The following PXYLP1 variants were observed in gnomAD, a reference collection of about 807,000 sequenced individuals.
PXYLP1 encodes the protein 2-phosphoxylose phosphatase 1, also known as acid phosphatase-like 2.
Under a neutral mutation model 37.9 loss-of-function variants are expected in PXYLP1, and 17 were observed. That is an observed-to-expected ratio of 0.45 (90% CI 0.31 to 0.67). The LOEUF is 0.67. Among genes scored for constraint, PXYLP1 ranks in the 30% least tolerant of loss-of-function variants. The probability of loss-of-function intolerance (pLI) is 0.07; values close to 1 mark genes in which losing one functional copy is unlikely to be tolerated. For missense variants in PXYLP1, 511 were observed against 612.0 expected, an observed-to-expected ratio of 0.84 and a Z score of 1.74; for synonymous variants, 221 against 232.2, an observed-to-expected ratio of 0.95 and a Z score of 0.44.
intron 1 of PXYLP1, among the ~76,000 whole-genome samples, chr3:141,250,579 G>A (rs116068533): frequency 1.2e-4 from 18 of 152,332 alleles, no homozygotes; most frequent in Admixed American, 3.3e-4. Context: ...AGTGAGATGC[G>A]ATGGGCAGCC....
rs570876874 is a variant in PXYLP1 at position 141,241,054 on chromosome 3, T to C, written c.-54+9143T>C. On this transcript the variant is annotated intron_variant, in intron 1 of 5. Transcript: ENST00000286353. ...CCCTGCCCACTCAACCTTCCAAAGC[T>C]TCTCTTCCTCTCCAGCCCCCACCCC... Among the ~76,000 whole-genome samples, 4 of 152,246 alleles carry C rather than the reference T, an allele frequency of 2.6e-5. No individual in the cohort carries two copies. In the South Asian group the frequency reaches 8.3e-4, roughly 32 times the overall value.
chr3:141,246,383 G>C (rs941394894), intron 1 of PXYLP1, among the ~76,000 whole-genome samples: 7 of 152,344 alleles, frequency 4.6e-5, no homozygotes, highest in Admixed American at 2.0e-4. Flanking sequence ...ATAGTGCTGA[G>C]AAGTGTCATG....
At chr3:141,255,286 C>T (rs555921111) in intron 1 of PXYLP1, among the ~76,000 whole-genome samples, 7 of 152,302 alleles carry the variant, frequency 4.6e-5, no homozygotes, top group South Asian at 2.1e-4. Flanking sequence ...ATTTGTACCA[C>T]GTGGGTTTAG....
intron 2 of PXYLP1, among the ~76,000 whole-genome samples, chr3:141,268,075 C>G (rs2086181): frequency 0.61 from 91,915 of 151,800 alleles, 28,551 homozygotes; most frequent in South Asian, 0.8. Flanking sequence ...ACCCCATTAC[C>G]TCATGATCAC....
At chr3:141,274,303 T>G (rs1941737596) in intron 2 of PXYLP1, 2 of 1,359,126 alleles carry the variant, frequency 1.5e-6, no homozygotes, top group Non-Finnish European at 1.9e-6. Context: ...GCCTTCCTCC[T>G]GGAGCCCGGC....
rs376129617 is a variant in PXYLP1, at chr3:141,260,134, G to C, written c.-42G>C. 2 of 1,610,030 alleles carry C rather than the reference G, an allele frequency of 1.2e-6. No individual in the cohort carries two copies. Among genetic ancestry groups the C allele is most frequent in the Non-Finnish European group, 1.7e-6 (2 of 1,176,840 alleles). On this transcript the variant is annotated 5_prime_UTR_variant, in exon 2 of 6. Coordinates refer to ENST00000286353, the MANE Select transcript of PXYLP1 (RefSeq NM_001037172.3). ...TGCTTTATTCACAGGACATGTTCCC[G>C]ATTTGAGGTGAAACCATGAAGAGAA...
intron 5 of PXYLP1, among the ~76,000 whole-genome samples, chr3:141,288,026 C>T (rs901373678): frequency 2.0e-5 from 3 of 152,248 alleles, no homozygotes; most frequent in African/African-American, 7.2e-5. Context: ...TGGCACATTT[C>T]TACTGCATGT....
At chr3:141,247,859 G>C (rs1940996938) in intron 1 of PXYLP1, among the ~76,000 whole-genome samples, 1 of 152,196 alleles carries the variant, frequency 6.6e-6, no homozygotes, top group Admixed American at 6.5e-5. Flanking sequence ...GTGTAAACAA[G>C]GATCATGGCC....
chr3:141,262,807 A>G (rs1419506365), intron 2 of PXYLP1: 2 of 1,026,458 alleles, frequency 1.9e-6, no homozygotes, highest in East Asian at 2.6e-5. Flanking sequence ...TTGGTTGCTT[A>G]TTATTATACT....
At chr3:141,261,081 T>G (rs896468107) in intron 2 of PXYLP1, among the ~76,000 whole-genome samples, 16 of 152,238 alleles carry the variant, frequency 1.1e-4, no homozygotes, top group African/African-American at 3.9e-4. Flanking sequence ...GTTTGGTGCT[T>G]CTTTTATATA....
chr3:141,285,510 C>CACA (rs771798897), intron 4 of PXYLP1, among the ~76,000 whole-genome samples: 7 of 151,308 alleles, frequency 4.6e-5, no homozygotes, highest in African/African-American at 1.7e-4. Flanking sequence ...AAACAAACAA[C>CACA]ACAACAACAA....
intron 1 of PXYLP1, among the ~76,000 whole-genome samples, chr3:141,239,529 T>TCCC (rs1169707197): frequency 2.0e-5 from 3 of 151,484 alleles, no homozygotes; most frequent in Admixed American, 2.0e-4. Context: ...ATTTTTTTTC[T>TCCC]CTTGTGCATC....
intron 1 of PXYLP1, among the ~76,000 whole-genome samples, chr3:141,242,493 G>A (rs1940830523): frequency 6.6e-6 from 1 of 152,212 alleles, no homozygotes; most frequent in Non-Finnish European, 1.5e-5. Flanking sequence ...GCTGTCAGCT[G>A]CCTTGATTGT....
intron 2 of PXYLP1, among the ~76,000 whole-genome samples, chr3:141,268,206 AGTGTGTGTGT>A (rs112453738): frequency 0.019 from 967 of 51,158 alleles, 19 homozygotes; most frequent in East Asian, 0.14. Context: ...AGAGAGAGAG[AGTGTGTGTGT>A]GTGTGTGTGT....
intron 1 of PXYLP1, among the ~76,000 whole-genome samples, chr3:141,241,707 C>T (rs1360939924): frequency 2.0e-5 from 3 of 152,320 alleles, no homozygotes; most frequent in Admixed American, 2.0e-4. Context: ...TGCCATGGGG[C>T]CTGGCCTTAC....
chr3:141,239,932 C>T lies in PXYLP1; in HGVS notation c.-54+8021C>T, dbSNP rs550618687. 3.3e-5 allele frequency among the ~76,000 whole-genome samples: 5 copies of T among 152,300 alleles called. No homozygotes were observed. The South Asian group carries it at 1.0e-3, about 32-fold the overall frequency. ...GCACAAGGACTGGCATGAAACAGGC[C>T]TCAATAAAAGTTGGGTGAATGAATG... On this transcript the variant is annotated intron_variant, in intron 1 of 5. Transcript: ENST00000286353.
intron 2 of PXYLP1, among the ~76,000 whole-genome samples, chr3:141,275,723 G>A (rs947693096): frequency 2.0e-5 from 3 of 151,856 alleles, no homozygotes; most frequent in African/African-American, 7.3e-5. Flanking sequence ...TGTTGGGTGG[G>A]TGAATCACCA....
intron 5 of PXYLP1, among the ~76,000 whole-genome samples, chr3:141,287,816 C>T (rs11708566): frequency 0.32 from 48,082 of 152,106 alleles, 10,251 homozygotes; most frequent in African/African-American, 0.61. Context: ...TTTCATAACC[C>T]ACTTTTCCAC....
intron 4 of PXYLP1, among the ~76,000 whole-genome samples, chr3:141,285,144 C>CTTTTCTTTTTT (rs763505752): frequency 1.3e-5 from 1 of 78,764 alleles, no homozygotes; most frequent in South Asian, 5.3e-4. Flanking sequence ...TTTTCTTTTT[C>CTTTTCTTTTTT]TTTTTTTTTT....
Sources: allele counts gnomAD v4.1 joint callset (sites outside exome capture counted in the v4.1 genomes callset), GRCh38; gene constraint gnomAD v4.1.1; transcripts MANE v1.5; gene names NCBI Gene and HGNC (gene_info 2026-07-23, HGNC 2026-07-21).